The following FAM222A variants were observed in gnomAD, a reference collection of about 807,000 sequenced individuals.
FAM222A encodes the protein family with sequence similarity 222 member A.
A neutral mutation model predicts 25.8 loss-of-function variants in FAM222A; 7 were observed. The observed-to-expected ratio is 0.27, with a 90% CI of 0.15 to 0.51. FAM222A has a LOEUF of 0.51. FAM222A is among the 20% of genes least tolerant of loss of function. The probability of loss-of-function intolerance (pLI) is 0.97; values close to 1 mark genes in which losing one functional copy is unlikely to be tolerated. For synonymous variants in FAM222A, 294 were observed against 298.8 expected (o/e 0.98, Z 0.17); for missense variants, 573 against 640.5 (o/e 0.89, Z 1.14).
intron 2 of FAM222A, among the ~76,000 whole-genome samples, chr12:109,763,102 C>T (rs1888945597): frequency 6.6e-6 from 1 of 152,214 alleles, no homozygotes; most frequent in Non-Finnish European, 1.5e-5. Context: ...GTGGTCCCTT[C>T]TCAGGACTGT....
chr12:109,724,841 T>TGAAC (rs1384062727), intron 1 of FAM222A, among the ~76,000 whole-genome samples: 2 of 152,140 alleles, frequency 1.3e-5, no homozygotes, highest in African/African-American at 2.4e-5. Context: ...AATGAATGAA[T>TGAAC]GAACGAGTGA....
chr12:109,759,105 C>T (rs890942568), intron 2 of FAM222A, among the ~76,000 whole-genome samples: 1 of 152,214 alleles, frequency 6.6e-6, no homozygotes, highest in Non-Finnish European at 1.5e-5. Flanking sequence ...CCTAGGACCG[C>T]AGGGGGATCC....
At chr12:109,735,393 C>T (rs991402511) in intron 1 of FAM222A, among the ~76,000 whole-genome samples, 5 of 152,176 alleles carry the variant, frequency 3.3e-5, no homozygotes, top group African/African-American at 9.7e-5. Context: ...GCGTGGGTTA[C>T]GTGAGGTGAC....
intron 1 of FAM222A, among the ~76,000 whole-genome samples, chr12:109,728,668 C>T (rs1887885278): frequency 6.6e-6 from 1 of 152,218 alleles, no homozygotes; most frequent in Non-Finnish European, 1.5e-5. Context: ...TCCAGAGCCC[C>T]ACCCAAGCCC....
intron 1 of FAM222A, among the ~76,000 whole-genome samples, chr12:109,728,418 T>C (rs973071282): frequency 3.9e-5 from 6 of 152,310 alleles, no homozygotes; most frequent in South Asian, 2.1e-4. Flanking sequence ...CCACTTTGCC[T>C]CGTCTGTAGA....
intron 2 of FAM222A, among the ~76,000 whole-genome samples, chr12:109,748,083 C>T (rs761231680): frequency 8.5e-5 from 13 of 152,096 alleles, no homozygotes; most frequent in Non-Finnish European, 1.6e-4. Flanking sequence ...TTTTAAAAAT[C>T]AAGAATGGAA....
In FAM222A at chr12:109,719,295, C is replaced by A. The variant is rs563823587; in HGVS notation, c.-47+4398C>A. On this transcript the variant is annotated intron_variant, in intron 1 of 2. Transcript: ENST00000538780. ...CCAGAGAAGGTATTATACTTTGCTG[C>A]CCGAGGTCACACAGCCAGGGAGTGG... Among the ~76,000 whole-genome samples the A allele has an allele frequency of 4.9e-4, 75 of 152,290 alleles. 1 individual carries two copies. The South Asian group carries it at 0.011, about 22-fold the overall frequency.
chr12:109,738,464 A>C (rs1363878503), intron 1 of FAM222A, among the ~76,000 whole-genome samples: 2 of 152,090 alleles, frequency 1.3e-5, no homozygotes, highest in East Asian at 3.9e-4. Flanking sequence ...GCGTGAAGAG[A>C]CTTGAATTAC....
intron 1 of FAM222A, among the ~76,000 whole-genome samples, chr12:109,740,251 G>A (rs1000178989): frequency 2.0e-5 from 3 of 152,108 alleles, no homozygotes; most frequent in Admixed American, 6.5e-5. Flanking sequence ...AGCTGGGGGC[G>A]TTATCTGGTG....
chr12:109,732,902 C>T (rs987011967), intron 1 of FAM222A, among the ~76,000 whole-genome samples: 1 of 152,272 alleles, frequency 6.6e-6, no homozygotes, highest in Admixed American at 6.5e-5. Context: ...CGTGCAGACA[C>T]AGTAGAACCG....
chr12:109,753,736 G>A (rs927790154), intron 2 of FAM222A, among the ~76,000 whole-genome samples: 4 of 137,100 alleles, frequency 2.9e-5, no homozygotes, highest in South Asian at 2.7e-4. Context: ...CCCTCAGGAC[G>A]CCGACAGGCT....
At chr12:109,759,710 G>T (rs569725807) in intron 2 of FAM222A, among the ~76,000 whole-genome samples, 1 of 152,332 alleles carries the variant, frequency 6.6e-6, no homozygotes, top group South Asian at 2.1e-4. Flanking sequence ...CCAGTACACA[G>T]TGGGGAGCAC....
intron 2 of FAM222A, among the ~76,000 whole-genome samples, chr12:109,765,183 GC>G (rs1202241963): frequency 6.6e-6 from 1 of 152,222 alleles, no homozygotes; most frequent in African/African-American, 2.4e-5. Context: ...CCACGTCGGG[GC>G]CTCTCCCCCT....
At chr12:109,740,653 T>C (rs531520020) in intron 1 of FAM222A, among the ~76,000 whole-genome samples, 1 of 152,340 alleles carries the variant, frequency 6.6e-6, no homozygotes, top group East Asian at 1.9e-4. Flanking sequence ...GCTTGGCTTC[T>C]CTGGGCCTAG....
intron 1 of FAM222A, chr12:109,734,654 A>C (rs538913428): frequency 2.0e-5 from 3 of 152,328 alleles, no homozygotes; most frequent in Admixed American, 6.5e-5. Flanking sequence ...TCATTGTGGA[A>C]AAATTAGAAA....
intron 2 of FAM222A, among the ~76,000 whole-genome samples, chr12:109,758,259 AG>A (rs1888791994): frequency 6.6e-6 from 1 of 152,152 alleles, no homozygotes; most frequent in Admixed American, 6.5e-5. Flanking sequence ...TCCTTTGTAC[AG>A]GGCCCATTGT....
chr12:109,719,231 C>T (rs59825063), intron 1 of FAM222A, among the ~76,000 whole-genome samples: 15,969 of 152,228 alleles, frequency 0.1, 1,724 homozygotes, highest in East Asian at 0.42. Context: ...AAGAAATGCA[C>T]ATGCTGGTAC....
Position 109,744,304 on chromosome 12 carries a change from C to T in FAM222A, c.82+76C>T, listed in dbSNP as rs1280242081. ...CGCCATTCACCCCCCAGGATGTCCA[C>T]CTACCATGGCCCTGTCGGAAAGTCT... On this transcript the variant is annotated intron_variant, in intron 2 of 2. Transcript: ENST00000538780. 6 of 1,518,388 alleles carry T rather than the reference C, an allele frequency of 4.0e-6. No homozygotes were observed. In the South Asian group the frequency reaches 6.1e-5, roughly 15 times the overall value. 94.1% of individuals were successfully genotyped at this position (1,518,388 alleles called of 1,614,324 possible).
chr12:109,720,035 A>T (rs985607576), intron 1 of FAM222A: 4 of 949,968 alleles, frequency 4.2e-6, no homozygotes, highest in Non-Finnish European at 5.0e-6. Context: ...CAGCTTTCTC[A>T]TGGGCTTGTG....
Sources: gnomAD v4.1 joint callset for allele counts (sites outside exome capture counted in the v4.1 genomes callset) on GRCh38, gnomAD v4.1.1 for gene constraint, MANE v1.5 for transcripts, NCBI Gene and HGNC (gene_info 2026-07-23, HGNC 2026-07-21) for gene names.